AQP2: variants seen among roughly 807,000 people sequenced by gnomAD.
The protein encoded by AQP2 is aquaporin-2.
A neutral mutation model predicts 21.6 loss-of-function variants in AQP2; 20 were observed. That is an observed-to-expected ratio of 0.92 (90% CI 0.65 to 1.34). The LOEUF (loss-of-function observed/expected upper bound fraction) is 1.34, where lower values mean the gene tolerates loss of function less well. Among genes scored for constraint, AQP2 ranks in the 40% most tolerant of loss-of-function variants. The pLI is 0.00. For synonymous variants in AQP2, 168 were observed against 166.9 expected (o/e 1.01, Z -0.05); for missense variants, 325 against 363.4 (o/e 0.89, Z 0.86).
At chr12:49,954,755 T>A (rs1947354420) in intron 3 of AQP2, 45 bp downstream of exon 3, 2 of 1,580,808 alleles carry the variant, frequency 1.3e-6, no homozygotes, top group Non-Finnish European at 1.7e-6. Context: ...AGAAACCCAT[T>A]TTAGAGGGAG....
In AQP2 at chr12:49,956,178, G is replaced by T. The variant is rs781480887; in HGVS notation, c.*570G>T. 5.7e-5 allele frequency: 9 copies of T among 159,208 alleles called. No individual in the cohort carries two copies. The highest frequency in any genetic ancestry group is 1.1e-4 in the Non-Finnish European group (8 of 72,344). The allele number at this position is 159,208 out of a possible 1,614,324, so 9.9% of individuals were successfully genotyped here. On this transcript the variant is annotated 3_prime_UTR_variant, in exon 4 of 4. Coordinates refer to ENST00000199280, the MANE Select transcript of AQP2 (RefSeq NM_000486.6). The stretch of plus-strand genomic sequence containing the variant: ...AACCTGCAATAAATCCGCTTCTCCT[G>T]CAGTGGATGAGTGTGGGTGCCAGTC...
chr12:49,953,942 G>A (rs1319586113), intron 1 of AQP2, among the ~76,000 whole-genome samples: 2 of 152,178 alleles, frequency 1.3e-5, no homozygotes, highest in Non-Finnish European at 2.9e-5. Context: ...CTGGCGGGGG[G>A]ACCATGGGCA....
At chr12:49,954,048 C>G in intron 1 of AQP2, 107 bp from the exon 2 acceptor site, 2 of 1,492,328 alleles carry the variant, frequency 1.3e-6, no homozygotes, top group Non-Finnish European at 1.8e-6. Context: ...TGTTCCGGCT[C>G]CCAGCCCAGA....
Position 49,958,320 on chromosome 12 carries a change from G to A in AQP2, c.*2712G>A, listed in dbSNP as rs1263577591. 1 of 152,230 alleles carries A rather than the reference G, an allele frequency of 6.6e-6. No individual in the cohort carries two copies. The highest frequency in any genetic ancestry group is 2.4e-5 in the African/African-American group (1 of 41,448). The allele number at this position is 152,230 out of a possible 1,614,324, so 9.4% of individuals were successfully genotyped here. ...AAAGTCTCACAGGTAGTATATGGTG[G>A]AGCCAACACTTGAACTCAGACCTTT... On this transcript the variant is annotated 3_prime_UTR_variant, in exon 4 of 4. Coordinates refer to ENST00000199280, the MANE Select transcript of AQP2 (RefSeq NM_000486.6).
At chr12:49,955,348 G>A (rs1468733541) in intron 3 of AQP2, 51 bp from the exon 4 acceptor site, 3 of 1,582,588 alleles carry the variant, frequency 1.9e-6, no homozygotes, top group Admixed American at 3.4e-5. Context: ...TGCGGGCTCC[G>A]CGTGCCGGTG....
chr12:49,950,872 C>G lies in AQP2; in HGVS notation c.42C>G (p.Phe14Leu). 6.2e-7 allele frequency: 1 copy of G among 1,613,480 alleles called. No individual in the cohort carries two copies. Among genetic ancestry groups the G allele is most frequent in the Non-Finnish European group, 8.5e-7 (1 of 1,179,454 alleles). ...LRSIAFSRAV[F>L]AEFLATLLFV... ...CCATAGCCTTCTCCAGGGCTGTGTT[C>G]GCAGAGTTCCTGGCCACACTCCTCT... Residue 14 changes from phenylalanine to leucine, a missense_variant, in exon 1 of 4, where the codon TTC becomes TTG. By Grantham distance (22) the Phe-to-Leu change is conservative. Coordinates refer to ENST00000199280, the MANE Select transcript of AQP2 (RefSeq NM_000486.6).
At chr12:49,953,780 C>T (rs566239673) in intron 1 of AQP2, among the ~76,000 whole-genome samples, 10 of 152,322 alleles carry the variant, frequency 6.6e-5, no homozygotes, top group Non-Finnish European at 1.0e-4. Flanking sequence ...TCCTGCTAAC[C>T]GGCCCAAAGC....
In AQP2 at chr12:49,951,000, A is replaced by C. The variant is rs28931580; in HGVS notation, c.170A>C (p.Gln57Pro). ...GGCTTGGGTATTGGCACCCTGGTACAGGCTCTGGGCCACATAAGCGGGGCC... is the reference window on the plus strand; with the variant it reads ...GGCTTGGGTATTGGCACCCTGGTACCGGCTCTGGGCCACATAAGCGGGGCC... ...AFGLGIGTLV[Q>P]ALGHISGAHI... The change falls in exon 1 of 4, where the codon CAG becomes CCG. Residue 57 changes from glutamine to proline, a missense_variant. Coordinates refer to ENST00000199280, the MANE Select transcript of AQP2 (RefSeq NM_000486.6). The C allele has an allele frequency of 2.5e-6, 4 of 1,614,136 alleles. No individual in the cohort carries two copies. The East Asian group carries it at 6.7e-5, about 27-fold the overall frequency.
At position 49,955,539 on chromosome 12, in the gene AQP2, C is replaced by T. The variant is rs1395816664; in HGVS notation, c.747C>T (p.Arg249=). 19 of 1,609,010 alleles carry T rather than the reference C, an allele frequency of 1.2e-5. No homozygotes were observed. The highest frequency in any genetic ancestry group is 2.2e-5 in the East Asian group (1 of 44,830). The part of the protein sequence containing the change: ...GLEPDTDWEE[R]EVRRRQSVEL... Reference sequence around the variant, plus strand: ...AGCCGGACACCGATTGGGAGGAGCGCGAGGTGCGACGGCGGCAGTCGGTGG... The same window carrying T: ...AGCCGGACACCGATTGGGAGGAGCGTGAGGTGCGACGGCGGCAGTCGGTGG... Residue 249 remains arginine, a synonymous_variant, in exon 4 of 4, where the codon CGC becomes CGT. Coordinates refer to ENST00000199280, the MANE Select transcript of AQP2 (RefSeq NM_000486.6).
In AQP2 at chr12:49,951,077, G is replaced by C; in HGVS notation, c.247G>C (p.Val83Leu). ...CTGCCTGGTGGGCTGCCACGTCTCC[G>C]TTCTCCGAGCCGCCTTCTACGTGGC... ...VACLVGCHVS[V>L]LRAAFYVAAQ... Residue 83 changes from valine to leucine, a missense_variant, in exon 1 of 4, where the codon GTT (valine) becomes CTT (leucine). Physicochemically the swap from Val to Leu is conservative, Grantham distance 32. Transcript: ENST00000199280. 1 of 1,611,632 alleles carries C rather than the reference G, an allele frequency of 6.2e-7. No individual in the cohort carries two copies. Among genetic ancestry groups the C allele is most frequent in the Non-Finnish European group, 8.5e-7 (1 of 1,178,218 alleles).
At position 49,950,989 on chromosome 12, in the gene AQP2, C is replaced by A; in HGVS notation, c.159C>A (p.Gly53=). 6.2e-7 allele frequency: 1 copy of A among 1,614,188 alleles called. No individual in the cohort carries two copies. ...QIAMAFGLGI[G]TLVQALGHIS... Reference sequence around the variant, plus strand: ...CCATGGCGTTTGGCTTGGGTATTGGCACCCTGGTACAGGCTCTGGGCCACA... The same window carrying A: ...CCATGGCGTTTGGCTTGGGTATTGGAACCCTGGTACAGGCTCTGGGCCACA... Residue 53 remains glycine (G), a synonymous_variant, in exon 1 of 4, where the codon GGC becomes GGA. Transcript: ENST00000199280.
Position 49,955,936 on chromosome 12 carries a change from C to G in AQP2, c.*328C>G. Reference sequence around the variant, plus strand: ...AGAGGGAAACTCTGGAGAGCCTGCACCCAGGTACTGAGTGGGGAGTGTACA... The same window carrying G: ...AGAGGGAAACTCTGGAGAGCCTGCAGCCAGGTACTGAGTGGGGAGTGTACA... On this transcript the variant is annotated 3_prime_UTR_variant, in exon 4 of 4. Transcript: ENST00000199280. 1.9e-6 allele frequency: 1 copy of G among 534,852 alleles called. No homozygotes were observed. The highest frequency in any genetic ancestry group is 3.4e-6 in the Non-Finnish European group (1 of 293,494). 33.1% of individuals were successfully genotyped at this position (534,852 alleles called of 1,614,324 possible).
In AQP2 at chr12:49,955,329, G is replaced by A. The variant is rs1379875792; in HGVS notation, c.607-70G>A. 1.1e-5 allele frequency: 16 copies of A among 1,496,336 alleles called. 1 individual carries two copies. The highest frequency in any genetic ancestry group is 9.6e-5 in the South Asian group (8 of 83,398). The allele number at this position is 1,496,336 out of a possible 1,614,324, so 92.7% of individuals were successfully genotyped here. On this transcript the variant is annotated intron_variant, in intron 3 of 3. Transcript: ENST00000199280. ...GAGAGGTGCGGCCGCAGAGTGTGCC[G>A]CCGGGGCCTGCGGGCTCCGCGTGCC...
In AQP2 at chr12:49,958,697, T is replaced by C. The variant is rs1162960457; in HGVS notation, c.*3089T>C. 6.6e-6 allele frequency: 1 copy of C among 152,246 alleles called. No individual in the cohort carries two copies. The highest frequency in any genetic ancestry group is 6.5e-5 in the Admixed American group (1 of 15,288). The allele number at this position is 152,246 out of a possible 1,614,324, so 9.4% of individuals were successfully genotyped here. ...TGCCAAATGACTTTGCACCTGCAAA[T>C]GGTGCTTCAATGTCGTTTTGTATCT... On this transcript the variant is annotated 3_prime_UTR_variant, in exon 4 of 4. Transcript: ENST00000199280.
chr12:49,955,491 C>T lies in AQP2; in HGVS notation c.699C>T (p.Arg233=). 1.2e-6 allele frequency: 2 copies of T among 1,612,828 alleles called. No individual in the cohort carries two copies. The highest frequency in any genetic ancestry group is 1.7e-6 in the Non-Finnish European group (2 of 1,179,836). Residue 233 remains arginine (R), a synonymous_variant, in exon 4 of 4, where the codon CGC becomes CGT. Coordinates refer to ENST00000199280, the MANE Select transcript of AQP2 (RefSeq NM_000486.6). Reference sequence around the variant, plus strand: ...CGCCAGCCAAGAGCCTGTCGGAGCGCCTGGCAGTGCTGAAGGGCCTGGAGC... The same window carrying T: ...CGCCAGCCAAGAGCCTGTCGGAGCGTCTGGCAGTGCTGAAGGGCCTGGAGC... ...LFPPAKSLSE[R]LAVLKGLEPD...
At position 49,950,766 on chromosome 12, in the gene AQP2, G is replaced by A. The variant is rs879038380; in HGVS notation, c.-65G>A. On this transcript the variant is annotated 5_prime_UTR_variant, in exon 1 of 4. Coordinates refer to ENST00000199280, the MANE Select transcript of AQP2 (RefSeq NM_000486.6). ...CTTGAGAAAGAGAGCGATAGAGTGC[G>A]AGAGCGAGTGCCCGGAGCATCCTGG... 118 of 1,574,670 alleles carry A rather than the reference G, an allele frequency of 7.5e-5. No homozygotes were observed. The highest frequency in any genetic ancestry group is 6.9e-4 in the South Asian group (61 of 88,980).
chr12:49,951,072 T>A lies in AQP2; in HGVS notation c.242T>A (p.Val81Asp). 6.2e-7 allele frequency: 1 copy of A among 1,611,718 alleles called. No individual in the cohort carries two copies. The highest frequency in any genetic ancestry group is 8.5e-7 in the Non-Finnish European group (1 of 1,178,264). Reference sequence around the variant, plus strand: ...GTGGCCTGCCTGGTGGGCTGCCACGTCTCCGTTCTCCGAGCCGCCTTCTAC... The same window carrying A: ...GTGGCCTGCCTGGTGGGCTGCCACGACTCCGTTCTCCGAGCCGCCTTCTAC... ...VTVACLVGCH[V>D]SVLRAAFYVA... Residue 81 changes from valine to aspartate, a missense_variant, in exon 1 of 4, where the codon GTC (valine) becomes GAC (aspartate). By Grantham distance (152) the Val-to-Asp change is radical (BLOSUM62 -3). Coordinates refer to ENST00000199280, the MANE Select transcript of AQP2 (RefSeq NM_000486.6).
Position 49,955,638 on chromosome 12 carries a change from G to A in AQP2, c.*30G>A, listed in dbSNP as rs756605525. 2.1e-5 allele frequency: 33 copies of A among 1,535,790 alleles called. No individual in the cohort carries two copies. The Admixed American group carries it at 2.3e-4, about 11-fold the overall frequency. On this transcript the variant is annotated 3_prime_UTR_variant, in exon 4 of 4. Coordinates refer to ENST00000199280, the MANE Select transcript of AQP2 (RefSeq NM_000486.6). The stretch of plus-strand genomic sequence containing the variant: ...CGCCAGCGGCCTCTACGGCCCCGAC[G>A]GACGCTTGTGAGGCCCGAGGCAGAA...
At position 49,956,496 on chromosome 12, in the gene AQP2, G is replaced by T. The variant is rs886049547; in HGVS notation, c.*888G>T. 3 of 152,202 alleles carry T rather than the reference G, an allele frequency of 2.0e-5. No individual in the cohort carries two copies. The highest frequency in any genetic ancestry group is 4.4e-5 in the Non-Finnish European group (3 of 68,038). The allele number at this position is 152,202 out of a possible 1,614,324, so 9.4% of individuals were successfully genotyped here. A position where few individuals can be genotyped will look rare whatever the true frequency, so the allele number is the denominator to read the frequency against. On this transcript the variant is annotated 3_prime_UTR_variant, in exon 4 of 4. Coordinates refer to ENST00000199280, the MANE Select transcript of AQP2 (RefSeq NM_000486.6). ...CATATGAGTGCGCACGCCTTCACGT[G>T]TGTGTATGCTGTGTGTGCCCGGGAC...
Sources: allele counts gnomAD v4.1 joint callset (sites outside exome capture counted in the v4.1 genomes callset), GRCh38; gene constraint gnomAD v4.1.1; transcripts MANE v1.5; gene names NCBI Gene and HGNC (gene_info 2026-07-23, HGNC 2026-07-21).